The following TRIM55 variants were observed in gnomAD, a reference collection of about 807,000 sequenced individuals.
TRIM55 encodes the protein tripartite motif containing 55.
In TRIM55, 50 loss-of-function variants were observed where a neutral mutation model predicts 60.9. The observed-to-expected ratio is 0.82, with a 90% confidence interval of 0.65 to 1.04. The LOEUF (loss-of-function observed/expected upper bound fraction) is 1.04, where lower values mean the gene tolerates loss of function less well. Among genes scored for constraint, TRIM55 ranks in the 50% least tolerant of loss-of-function variants. The pLI is 0.00. For synonymous variants in TRIM55, 237 were observed against 238.1 expected (o/e 1.00, Z 0.04); for missense variants, 681 against 666.9 (o/e 1.02, Z -0.23).
chr8:66,151,850 TAATA>T (rs199757226), intron 7 of TRIM55, among the ~76,000 whole-genome samples: 59,143 of 142,348 alleles, frequency 0.42, 13,719 homozygotes, highest in East Asian at 0.52. Flanking sequence ...TCTCAAAAAA[TAATA>T]AATAAATAAA....
upstream of TRIM55, chr8:66,126,973 C>CA (rs1808843197): frequency 3.6e-6 from 1 of 279,810 alleles, no homozygotes; most frequent in Non-Finnish European, 6.7e-6. Context: ...TCCTCCTTCC[C>CA]ACCCACTCTC....
rs1221878644 is a variant in TRIM55 at position 66,135,127 on chromosome 8, C to G, written c.479C>G (p.Pro160Arg). 1.2e-6 allele frequency: 2 copies of G among 1,614,022 alleles called. No homozygotes were observed. Among genetic ancestry groups the G allele is most frequent in the Non-Finnish European group, 1.7e-6 (2 of 1,180,018 alleles). ...GCACACAAAGACTGCCAGGTGGCTC[C>G]CCTCACTCATGTGTTCCAGAGACAG... is the stretch of plus-strand genomic sequence containing the variant. Reference protein sequence around the residue: ...FGAHKDCQVAPLTHVFQRQKS... With the variant: ...FGAHKDCQVARLTHVFQRQKS... Residue 160 changes from proline to arginine, a missense_variant, in exon 3 of 10, where the codon CCC becomes CGC. Pro to Arg is a moderately radical substitution (Grantham distance 103). Transcript: ENST00000315962.
At chr8:66,123,763 T>TG (rs1235619164), upstream of TRIM55, among the ~76,000 whole-genome samples, 1 of 151,968 alleles carries the variant, frequency 6.6e-6, no homozygotes, top group African/African-American at 2.4e-5. Context: ...GAGGCTGAGG[T>TG]GGGGGGATTG....
the TRIM55 span, chr8:66,113,560 G>C: frequency 2.5e-4 from 114 of 456,284 alleles, 2 homozygotes; most frequent in Middle Eastern, 2.9e-3. Context: ...TGAAAGTCTA[G>C]CGCTTTCTCC....
chr8:66,114,600 A>G, the TRIM55 span: 3 of 456,206 alleles, frequency 6.6e-6, no homozygotes, highest in East Asian at 2.1e-4. Context: ...GTTCGGGGAG[A>G]CCCACAGGGA....
At chr8:66,165,978 G>A (rs1454838231) in intron 9 of TRIM55, among the ~76,000 whole-genome samples, 1 of 151,196 alleles carries the variant, frequency 6.6e-6, no homozygotes, top group Non-Finnish European at 1.5e-5. Context: ...CTGAGAAAGT[G>A]CCAGATATTG....
intron 9 of TRIM55, among the ~76,000 whole-genome samples, chr8:66,162,780 G>T (rs998801080): frequency 6.6e-6 from 1 of 151,900 alleles, no homozygotes; most frequent in Non-Finnish European, 1.5e-5. Flanking sequence ...TTTATAGTTT[G>T]TGCTTTTTAT....
rs140538190 is a variant in TRIM55, at chr8:66,174,720, G to T, written c.*127G>T. The T allele has an allele frequency of 6.9e-5, 69 of 1,006,704 alleles. No homozygotes were observed. In the African/African-American group the frequency reaches 7.4e-4, roughly 11 times the overall value. The allele number at this position is 1,006,704 out of a possible 1,614,324, so 62.4% of individuals were successfully genotyped here. A position where few individuals can be genotyped will look rare whatever the true frequency, so the allele number is the denominator to read the frequency against. ...TCTGAACAGGATTTCTGCAAAAATAGCCCCAAACTGCAATTCCATATGACT... is the reference window on the plus strand; with the variant it reads ...TCTGAACAGGATTTCTGCAAAAATATCCCCAAACTGCAATTCCATATGACT... On this transcript the variant is annotated 3_prime_UTR_variant, in exon 10 of 10. Transcript: ENST00000315962.
intron 9 of TRIM55, among the ~76,000 whole-genome samples, chr8:66,168,786 G>T (rs1043405841): frequency 3.9e-5 from 6 of 152,288 alleles, no homozygotes; most frequent in African/African-American, 7.2e-5. Flanking sequence ...TTTCCTCAAG[G>T]CCCCCAATAT....
intron 2 of TRIM55, among the ~76,000 whole-genome samples, chr8:66,130,562 C>CGGGGG (rs386412961): frequency 7.1e-6 from 1 of 140,046 alleles, no homozygotes; most frequent in African/African-American, 2.7e-5. Context: ...GGAAGGGGGT[C>CGGGGG]GGGGGGGGTG....
intron 9 of TRIM55, chr8:66,155,710 G>A (rs772961501): frequency 1.8e-5 from 28 of 1,593,830 alleles, no homozygotes; most frequent in South Asian, 1.0e-4. Context: ...TACTTTAATG[G>A]GTAGGAAATA....
intron 9 of TRIM55, among the ~76,000 whole-genome samples, chr8:66,169,356 C>G (rs1036212097): frequency 6.6e-6 from 1 of 152,172 alleles, no homozygotes; most frequent in Non-Finnish European, 1.5e-5. Context: ...AATCTGCACT[C>G]AAATGAATTT....
chr8:66,165,901 T>C (rs1811304253), intron 9 of TRIM55, among the ~76,000 whole-genome samples: 1 of 152,168 alleles, frequency 6.6e-6, no homozygotes, highest in Non-Finnish European at 1.5e-5. Context: ...ACATTAACAT[T>C]ATTAATGCTT....
the TRIM55 span, chr8:66,114,742 G>C: frequency 3.4e-5 from 14 of 415,898 alleles, no homozygotes; most frequent in South Asian, 2.3e-4. Flanking sequence ...GGGCAGATCC[G>C]AGGTGGATAG....
At chr8:66,114,893 G>T in the TRIM55 span, 2 of 288,922 alleles carry the variant, frequency 6.9e-6, no homozygotes, top group South Asian at 3.4e-5. Flanking sequence ...CGCTGAGAGA[G>T]AATTAATTGG....
the TRIM55 span, among the ~76,000 whole-genome samples, chr8:66,117,509 C>G: frequency 1.3e-5 from 2 of 152,196 alleles, no homozygotes; most frequent in African/African-American, 4.8e-5. Flanking sequence ...TTGTCACATA[C>G]ATCTTATTTC....
intron 2 of TRIM55, among the ~76,000 whole-genome samples, chr8:66,133,077 A>G (rs1478296397): frequency 6.6e-6 from 1 of 152,122 alleles, no homozygotes; most frequent in Non-Finnish European, 1.5e-5. Context: ...CTACGAGGGA[A>G]GGGTTTAGAG....
At chr8:66,151,424 C>G (rs1586217233) in intron 7 of TRIM55, among the ~76,000 whole-genome samples, 1 of 152,340 alleles carries the variant, frequency 6.6e-6, no homozygotes, top group Non-Finnish European at 1.5e-5. Flanking sequence ...AGCTAGACCA[C>G]TAGACCACTA....
intron 4 of TRIM55, among the ~76,000 whole-genome samples, chr8:66,137,959 T>C (rs1809582099): frequency 6.6e-6 from 1 of 152,148 alleles, no homozygotes; most frequent in Non-Finnish European, 1.5e-5. Context: ...TTTCAGGAAT[T>C]GAAAATTCAC....
Sources: allele counts gnomAD v4.1 joint callset (sites outside exome capture counted in the v4.1 genomes callset), GRCh38; gene constraint gnomAD v4.1.1; transcripts MANE v1.5; gene names NCBI Gene and HGNC (gene_info 2026-07-23, HGNC 2026-07-21).